The following WSCD1 variants were observed in gnomAD, a reference collection of about 807,000 sequenced individuals.
WSCD1 encodes sialate:O-sulfotransferase 1.
In WSCD1, 41 loss-of-function variants were observed where a neutral mutation model predicts 60.4. That is an observed-to-expected ratio of 0.68 (90% CI 0.53 to 0.88). The LOEUF (loss-of-function observed/expected upper bound fraction) is 0.88. Ranked by LOEUF, WSCD1 falls within the 40% of genes least tolerant of loss-of-function variation. WSCD1 has a pLI of 0.00. For synonymous variants in WSCD1, 361 were observed against 332.5 expected (o/e 1.09, Z -0.93); for missense variants, 784 against 796.2 (o/e 0.98, Z 0.18).
At chr17:6,111,673 C>T (rs1911417039) in intron 7 of WSCD1, among the ~76,000 whole-genome samples, 1 of 146,302 alleles carries the variant, frequency 6.8e-6, no homozygotes, top group African/African-American at 2.6e-5. Context: ...CGCACTCCAG[C>T]CTGGGCAACA....
In WSCD1 at chr17:6,080,705, A is replaced by G; in HGVS notation, c.47A>G (p.Gln16Arg). ...FRLQKFLRRT[Q>R]FLLFFLTAAY... ...CTCCAGAAGTTTCTCCGCCGAACAC[A>G]GTTCCTGCTGTTCTTCCTCACGGCT... The change falls in exon 2 of 9, where the codon CAG becomes CGG. Residue 16 changes from glutamine (Q) to arginine (R), a missense_variant. By Grantham distance (43) the Gln-to-Arg change is conservative. Coordinates refer to ENST00000317744, the MANE Select transcript of WSCD1 (RefSeq NM_015253.2). The surrounding 1 kb of genome is among the most constrained non-coding windows in gnomAD (Gnocchi z 6.6). 6.2e-7 allele frequency: 1 copy of G among 1,613,640 alleles called. No homozygotes were observed. Among genetic ancestry groups the G allele is most frequent in the South Asian group, 1.1e-5 (1 of 91,068 alleles).
intron 4 of WSCD1, among the ~76,000 whole-genome samples, chr17:6,093,595 G>A (rs943696394): frequency 3.3e-5 from 5 of 152,156 alleles, no homozygotes; most frequent in Non-Finnish European, 7.3e-5. Context: ...GTTCTTTGGG[G>A]CATCAATCAT....
At chr17:6,069,774 G>GGTGTGTGTGT (rs746125445), upstream of WSCD1, among the ~76,000 whole-genome samples, 11 of 106,586 alleles carry the variant, frequency 1.0e-4, no homozygotes, top group South Asian at 2.1e-3. Flanking sequence ...ACGGTGATCC[G>GGTGTGTGTGT]GTGTGTGTGT....
intron 7 of WSCD1, among the ~76,000 whole-genome samples, chr17:6,117,332 C>T (rs1174590064): frequency 1.3e-5 from 2 of 152,166 alleles, no homozygotes; most frequent in Non-Finnish European, 2.9e-5. Flanking sequence ...GTGGATGAGG[C>T]CTTGACCAGA....
intron 1 of WSCD1, among the ~76,000 whole-genome samples, chr17:6,076,794 G>C (rs4411546): frequency 0.13 from 20,450 of 152,220 alleles, 1,752 homozygotes; most frequent in East Asian, 0.45. Flanking sequence ...CCCAGGTGTT[G>C]GCCGGTTGTG....
At chr17:6,092,543 AGG>A (rs1851151263) in intron 4 of WSCD1, among the ~76,000 whole-genome samples, 1 of 152,110 alleles carries the variant, frequency 6.6e-6, no homozygotes, top group South Asian at 2.1e-4. Context: ...GACCTCATAG[AGG>A]GGTTTGCCAT....
intron 4 of WSCD1, among the ~76,000 whole-genome samples, chr17:6,094,084 C>T (rs1405869562): frequency 1.3e-5 from 2 of 152,124 alleles, no homozygotes; most frequent in Non-Finnish European, 2.9e-5. Context: ...TGGGAGACCC[C>T]GTGTAGAGAA....
intron 5 of WSCD1, among the ~76,000 whole-genome samples, chr17:6,106,116 T>A (rs1301213782): frequency 2.6e-5 from 4 of 152,238 alleles, no homozygotes; most frequent in Non-Finnish European, 4.4e-5. Context: ...ATTCTGAGAA[T>A]ATAACAAAGC....
chr17:6,092,060 A>G (rs535957351), intron 4 of WSCD1, among the ~76,000 whole-genome samples: 1 of 150,546 alleles, frequency 6.6e-6, no homozygotes, highest in East Asian at 2.0e-4. Context: ...AGGCTGAGGC[A>G]GGAGAATCGC....
intron 2 of WSCD1, among the ~76,000 whole-genome samples, chr17:6,082,671 GC>G (rs1421124051): frequency 6.6e-6 from 1 of 152,182 alleles, no homozygotes; most frequent in Admixed American, 6.5e-5. Flanking sequence ...ACCTCACTGG[GC>G]CCTGCACCCG....
chr17:6,098,117 A>AT (rs1036728900), intron 5 of WSCD1, among the ~76,000 whole-genome samples: 3 of 59,822 alleles, frequency 5.0e-5, no homozygotes, highest in African/African-American at 2.0e-4. Context: ...TGCCCAGCTA[A>AT]TTTTTTTGTG....
intron 7 of WSCD1, among the ~76,000 whole-genome samples, chr17:6,115,825 A>G (rs952617096): frequency 3.3e-5 from 5 of 152,114 alleles, no homozygotes; most frequent in Non-Finnish European, 7.4e-5. Context: ...CAAACTCCTG[A>G]CCTCAATTGA....
intron 1 of WSCD1, among the ~76,000 whole-genome samples, chr17:6,076,621 C>T (rs1908879410): frequency 2.0e-5 from 3 of 152,234 alleles, no homozygotes; most frequent in Admixed American, 1.3e-4. Flanking sequence ...CATATTTACC[C>T]CCATTTAATG....
At chr17:6,069,723 G>A (rs1324697081), upstream of WSCD1, among the ~76,000 whole-genome samples, 1 of 151,600 alleles carries the variant, frequency 6.6e-6, no homozygotes, top group East Asian at 2.0e-4. Context: ...GAGTGTGAAT[G>A]TGTGTGAAGC....
At chr17:6,113,924 T>C (rs1911548948) in intron 7 of WSCD1, among the ~76,000 whole-genome samples, 1 of 151,842 alleles carries the variant, frequency 6.6e-6, no homozygotes, top group Non-Finnish European at 1.5e-5. Context: ...TTACGGAAAA[T>C]AGTATGGAGG....
intron 5 of WSCD1, among the ~76,000 whole-genome samples, chr17:6,104,300 T>C (rs565623453): frequency 1.3e-5 from 2 of 152,146 alleles, no homozygotes; most frequent in African/African-American, 4.8e-5. Flanking sequence ...ACCTCCAACA[T>C]TGGGGGTCAC....
At chr17:6,107,239 C>T (rs1202912644) in intron 5 of WSCD1, among the ~76,000 whole-genome samples, 1 of 152,134 alleles carries the variant, frequency 6.6e-6, no homozygotes, top group Non-Finnish European at 1.5e-5. Context: ...ACTTAATTAT[C>T]TCTGTAATCC....
chr17:6,088,282 G>A (rs1281335488), intron 3 of WSCD1, among the ~76,000 whole-genome samples, 178 bp downstream of exon 3: 3 of 152,128 alleles, frequency 2.0e-5, no homozygotes, highest in African/African-American at 7.2e-5. Context: ...GGTGCCGGGA[G>A]CTGGGTGCTG....
rs200478276 is a variant in WSCD1, at chr17:6,120,437, C to T, written c.1504C>T (p.Arg502Trp). The T allele has an allele frequency of 8.7e-6, 14 of 1,614,042 alleles. No homozygotes were observed. The highest frequency in any genetic ancestry group is 1.7e-5 in the Admixed American group (1 of 60,034). ...GCGGCGCAGCCTGGTGCCCACGTTA[C>T]GGGAGATGGTGGCCTTCCTCAACGT... The part of the protein sequence containing the change: ...ELRRSLVPTL[R>W]EMVAFLNVSV... Residue 502 changes from arginine (R) to tryptophan (W), a missense_variant, in exon 9 of 9, where the codon CGG becomes TGG. Transcript: ENST00000317744.
Sources: gnomAD v4.1 joint callset for allele counts (sites outside exome capture counted in the v4.1 genomes callset) on GRCh38, gnomAD v4.1.1 for gene constraint, Gnocchi (gnomAD v3.1) non-coding constraint, MANE v1.5 for transcripts, NCBI Gene and HGNC (gene_info 2026-07-23, HGNC 2026-07-21) for gene names.